CCPG1: variants seen among roughly 807,000 people sequenced by gnomAD.
CCPG1 encodes the protein cell cycle progression protein 1.
A neutral mutation model predicts 81.3 loss-of-function variants in CCPG1; 46 were observed. That is an observed-to-expected ratio of 0.57 (90% CI 0.45 to 0.72). The LOEUF (loss-of-function observed/expected upper bound fraction) is 0.72, where lower values mean the gene tolerates loss of function less well. Ranked by LOEUF, CCPG1 falls within the 30% of genes least tolerant of loss-of-function variation. The pLI, the probability that CCPG1 is intolerant of heterozygous loss-of-function variation, is 0.00. For missense variants in CCPG1, 902 were observed against 937.6 expected, an observed-to-expected ratio of 0.96 and a Z score of 0.50; for synonymous variants, 330 against 305.2, an observed-to-expected ratio of 1.08 and a Z score of -0.85.
chr15:55,374,847 T>C (rs895922206), intron 5 of CCPG1, among the ~76,000 whole-genome samples: 1 of 152,112 alleles, frequency 6.6e-6, no homozygotes, highest in Admixed American at 6.5e-5. Flanking sequence ...GTATTTTCAG[T>C]AGAGAAGGGT....
In CCPG1 at chr15:55,389,411, G is replaced by C; in HGVS notation, c.14C>G (p.Ser5Cys). 6.2e-7 allele frequency: 1 copy of C among 1,610,870 alleles called. No individual in the cohort carries two copies. Among genetic ancestry groups the C allele is most frequent in the Non-Finnish European group, 8.5e-7 (1 of 1,177,214 alleles). The change falls in exon 2 of 9, where the codon TCC (serine) becomes TGC (cysteine). Residue 5 changes from serine (S) to cysteine (C), a missense_variant. This residue lies in a region of CCPG1 where 28 missense variants were observed against 47.8 expected (regional missense o/e 0.59). Transcript: ENST00000442196. MSEN[S>C]SDSDSSCGWT... ...ACCACAAGATGAATCACTGTCACTG[G>C]AATTTTCAGACATCTTTCAGGTCTA...
chr15:55,364,077 T>C (rs2056268458), intron 7 of CCPG1, among the ~76,000 whole-genome samples: 1 of 150,184 alleles, frequency 6.7e-6, no homozygotes, highest in African/African-American at 2.4e-5. Context: ...GTTACCAACT[T>C]TGGGAATTTG....
At chr15:55,372,834 CA>C (rs2056481621) in intron 5 of CCPG1, 1 of 419,104 alleles carries the variant, frequency 2.4e-6, no homozygotes, top group Non-Finnish European at 4.9e-6. Flanking sequence ...AAATAACTAC[CA>C]AAAGTTTCCT....
At chr15:55,392,668 G>A (rs950184009) in intron 1 of CCPG1, among the ~76,000 whole-genome samples, 21 of 152,200 alleles carry the variant, frequency 1.4e-4, no homozygotes, top group African/African-American at 5.1e-4. Context: ...CTACAGGTGT[G>A]CGCCACCATG....
chr15:55,378,457 G>A (rs2056610932), intron 3 of CCPG1, 81 bp from the exon 4 acceptor site: 3 of 769,488 alleles, frequency 3.9e-6, no homozygotes, highest in Middle Eastern at 3.9e-4. Flanking sequence ...ATATAATCTG[G>A]GTAGATAAAA....
chr15:55,396,156 A>C (rs1422668135), intron 1 of CCPG1, among the ~76,000 whole-genome samples: 2 of 8,836 alleles, frequency 2.3e-4, no homozygotes, highest in Admixed American at 0.01. Flanking sequence ...TCCACCTCCA[A>C]AAAAAAAAAA....
At chr15:55,379,161 C>CACGTGTGTGTGTGTGT (rs146009067) in intron 3 of CCPG1, among the ~76,000 whole-genome samples, 2 of 134,682 alleles carry the variant, frequency 1.5e-5, no homozygotes, top group African/African-American at 3.0e-5. Context: ...TGTATATGTA[C>CACGTGTGTGTGTGTGT]GTGTGTGTGT....
At chr15:55,363,236 C>G (rs1317382527) in intron 7 of CCPG1, among the ~76,000 whole-genome samples, 3 of 151,290 alleles carry the variant, frequency 2.0e-5, no homozygotes, top group Non-Finnish European at 4.4e-5. Flanking sequence ...GTAATCCCAG[C>G]TACTTGGGAG....
At chr15:55,391,887 A>AAAAGG (rs1555409781) in intron 1 of CCPG1, among the ~76,000 whole-genome samples, 6 of 44,748 alleles carry the variant, frequency 1.3e-4, no homozygotes, top group African/African-American at 4.3e-4. Context: ...AAAAAAAAAA[A>AAAAGG]GGGGGGGGGG....
At chr15:55,363,246 G>C (rs2056242775) in intron 7 of CCPG1, among the ~76,000 whole-genome samples, 1 of 151,308 alleles carries the variant, frequency 6.6e-6, no homozygotes, top group Admixed American at 6.6e-5. Context: ...CTACTTGGGA[G>C]ACTGAGGCAG....
chr15:55,406,607 G>A (rs968309724), intron 1 of CCPG1, among the ~76,000 whole-genome samples: 6 of 151,432 alleles, frequency 4.0e-5, no homozygotes, highest in South Asian at 4.2e-4. Flanking sequence ...GCTAATTTTT[G>A]TATTTTTAGT....
At chr15:55,394,706 A>G (rs1406126382) in intron 1 of CCPG1, among the ~76,000 whole-genome samples, 1 of 152,012 alleles carries the variant, frequency 6.6e-6, no homozygotes, top group Non-Finnish European at 1.5e-5. Context: ...ATAAATACAG[A>G]AATTGATCCT....
At chr15:55,378,850 G>A (rs1446771319) in intron 3 of CCPG1, among the ~76,000 whole-genome samples, 2 of 152,040 alleles carry the variant, frequency 1.3e-5, no homozygotes, top group Admixed American at 6.6e-5. Flanking sequence ...GCCCACCTTG[G>A]CCTCCCAAAG....
At chr15:55,386,738 C>CAA (rs148605524) in intron 2 of CCPG1, among the ~76,000 whole-genome samples, 16 of 147,972 alleles carry the variant, frequency 1.1e-4, no homozygotes, top group African/African-American at 1.7e-4. Flanking sequence ...ACTAAAAATA[C>CAA]AAAAAAAAAA....
intron 1 of CCPG1, among the ~76,000 whole-genome samples, chr15:55,407,046 C>CA (rs773090880): frequency 0.14 from 19,103 of 136,294 alleles, 1,894 homozygotes; most frequent in African/African-American, 0.19. Flanking sequence ...GACCCCCCCC[C>CA]CCGCCCCGCC....
intron 6 of CCPG1, among the ~76,000 whole-genome samples, chr15:55,368,811 G>A (rs2056385078): frequency 6.6e-6 from 1 of 152,192 alleles, no homozygotes; most frequent in Non-Finnish European, 1.5e-5. Context: ...ATATGGTATT[G>A]TTAAATTATT....
chr15:55,370,519 G>A (rs892722036), intron 6 of CCPG1, among the ~76,000 whole-genome samples: 24 of 152,190 alleles, frequency 1.6e-4, no homozygotes, highest in Non-Finnish European at 8.8e-5. Flanking sequence ...GGCCAGGCAC[G>A]GTGGCTCATG....
At chr15:55,390,906 A>G (rs1049966105) in intron 1 of CCPG1, among the ~76,000 whole-genome samples, 1 of 152,168 alleles carries the variant, frequency 6.6e-6, no homozygotes, top group Non-Finnish European at 1.5e-5. Context: ...AGGTCATCTA[A>G]TTGTTTTATT....
At chr15:55,398,230 G>A (rs1452227887) in intron 1 of CCPG1, 1 of 152,056 alleles carries the variant, frequency 6.6e-6, no homozygotes, top group African/African-American at 2.4e-5. Flanking sequence ...CTGATATGAT[G>A]GTGCCCCTCA....
Sources: gnomAD v4.1 joint callset for allele counts (sites outside exome capture counted in the v4.1 genomes callset) on GRCh38, gnomAD v4.1.1 for gene constraint, gnomAD v4.1.1 regional missense constraint, MANE v1.5 for transcripts, NCBI Gene and HGNC (gene_info 2026-07-23, HGNC 2026-07-21) for gene names.